The following PLXNA4 variants were observed in gnomAD, a reference collection of about 807,000 sequenced individuals.
PLXNA4 encodes plexin A4.
In PLXNA4, 44 loss-of-function variants were observed where a neutral mutation model predicts 191.8. That is an observed-to-expected ratio of 0.23 (90% confidence interval 0.18 to 0.29). PLXNA4 has a LOEUF of 0.29. Ranked by LOEUF, PLXNA4 falls within the 10% of genes least tolerant of loss-of-function variation. The pLI, the probability that PLXNA4 is intolerant of heterozygous loss-of-function variation, is 1.00. For synonymous variants in PLXNA4, 1,082 were observed against 1,009.5 expected (o/e 1.07, Z -1.36); for missense variants, 1,800 against 2,488.8 (o/e 0.72, Z 5.89).
chr7:132,215,204 G>C (rs1438868522), intron 9 of PLXNA4, among the ~76,000 whole-genome samples: 1 of 152,204 alleles, frequency 6.6e-6, no homozygotes, highest in Non-Finnish European at 1.5e-5. Context: ...GGACTGGCAG[G>C]GAGGTCCCAG....
Position 132,462,424 on chromosome 7 carries a change from T to C in PLXNA4, c.1371+26868A>G, listed in dbSNP as rs903988635. On this transcript the variant is annotated intron_variant, in intron 3 of 31. Transcript: ENST00000321063. ...AAACAAGGATTGTGCTATGAAATAT[T>C]AGGCTGCCACTAAAAACCATGTTTG... Among the ~76,000 whole-genome samples, 51 of 152,234 alleles carry C rather than the reference T, an allele frequency of 3.4e-4. 1 individual carries two copies. The highest frequency in any genetic ancestry group is 1.0e-4 in the Non-Finnish European group (7 of 68,014).
chr7:132,490,413 C>G (rs577784574), intron 2 of PLXNA4, among the ~76,000 whole-genome samples: 2 of 135,566 alleles, frequency 1.5e-5, no homozygotes, highest in African/African-American at 5.4e-5. Flanking sequence ...ATTCACTGAA[C>G]CTTTTCTTCC....
At chr7:132,242,517 C>A in intron 4 of PLXNA4, among the ~76,000 whole-genome samples, 1 of 152,118 alleles carries the variant, frequency 6.6e-6, no homozygotes, top group East Asian at 1.9e-4. Flanking sequence ...AATTCCAAAT[C>A]CCACATGATC....
At chr7:132,358,007 GACA>G (rs1010403197) in intron 3 of PLXNA4, among the ~76,000 whole-genome samples, 1 of 152,176 alleles carries the variant, frequency 6.6e-6, no homozygotes, top group African/African-American at 2.4e-5. Flanking sequence ...CAGGGGAAAG[GACA>G]ACAATATATT....
chr7:132,438,610 T>C (rs532589490), intron 3 of PLXNA4, among the ~76,000 whole-genome samples: 3 of 152,222 alleles, frequency 2.0e-5, no homozygotes, highest in Non-Finnish European at 4.4e-5. Context: ...CATAGTGTCA[T>C]TGTAAAGCAA....
chr7:132,589,695 C>T (rs925046345), intron 2 of PLXNA4, among the ~76,000 whole-genome samples: 5 of 152,292 alleles, frequency 3.3e-5, no homozygotes, highest in East Asian at 1.9e-4. Flanking sequence ...GATCAAAGCT[C>T]TTGTGCAACA....
chr7:132,359,971 G>T (rs557522105), intron 3 of PLXNA4, among the ~76,000 whole-genome samples: 1 of 152,142 alleles, frequency 6.6e-6, no homozygotes, highest in Admixed American at 6.5e-5. Context: ...ACAGTAATGG[G>T]CCTCAGTGTG....
chr7:132,366,513 G>C (rs1315478574), intron 3 of PLXNA4, among the ~76,000 whole-genome samples: 1 of 151,902 alleles, frequency 6.6e-6, no homozygotes, highest in Admixed American at 6.6e-5. Context: ...AACAGAGCAA[G>C]ATTCTGTCTC....
At chr7:132,549,583 T>C (rs1800465307) in intron 1 of PLXNA4, among the ~76,000 whole-genome samples, 1 of 152,072 alleles carries the variant, frequency 6.6e-6, no homozygotes, top group South Asian at 2.1e-4. Flanking sequence ...TAAAAGTGAG[T>C]GGACCCTAAA....
At chr7:132,237,777 G>A (rs1437913961) in intron 5 of PLXNA4, among the ~76,000 whole-genome samples, 2 of 152,180 alleles carry the variant, frequency 1.3e-5, no homozygotes, top group African/African-American at 4.8e-5. Flanking sequence ...TTGAAACAAG[G>A]ATGCCAAGTT....
intron 4 of PLXNA4, among the ~76,000 whole-genome samples, chr7:132,289,026 G>A (rs528460473): frequency 7.2e-5 from 11 of 152,256 alleles, no homozygotes; most frequent in Admixed American, 2.0e-4. Flanking sequence ...AGCCTCAAGC[G>A]ATGCTGCCTT....
intron 2 of PLXNA4, among the ~76,000 whole-genome samples, chr7:132,629,259 C>T (rs1475773711): frequency 2.6e-5 from 4 of 152,174 alleles, no homozygotes; most frequent in African/African-American, 9.7e-5. Context: ...TTAACTCAAC[C>T]TCACCATCAA....
At chr7:132,541,016 G>A (rs935323330) in intron 1 of PLXNA4, among the ~76,000 whole-genome samples, 7 of 152,352 alleles carry the variant, frequency 4.6e-5, no homozygotes, top group Non-Finnish European at 1.0e-4. Context: ...AATGCCAGGA[G>A]TGAATGTAAT....
chr7:132,347,209 C>A lies in PLXNA4; in HGVS notation c.1372-48987G>T, dbSNP rs964757279. Among the ~76,000 whole-genome samples the A allele has an allele frequency of 7.2e-5, 11 of 152,224 alleles. 1 individual carries two copies. The East Asian group carries it at 1.7e-3, about 24-fold the overall frequency. On this transcript the variant is annotated intron_variant, in intron 3 of 31. Transcript: ENST00000321063. Reference sequence around the variant, plus strand: ...CACTCTCAGCTGAATCCCTTCCCCCCAAAAAAGGAGACACAGAGGGCAAAG... The same window carrying A: ...CACTCTCAGCTGAATCCCTTCCCCCAAAAAAAGGAGACACAGAGGGCAAAG...
At chr7:132,625,707 C>G (rs989647569) in intron 2 of PLXNA4, among the ~76,000 whole-genome samples, 1 of 152,192 alleles carries the variant, frequency 6.6e-6, no homozygotes, top group African/African-American at 2.4e-5. Context: ...AATTTTCATA[C>G]TATCACTGCA....
intron 3 of PLXNA4, among the ~76,000 whole-genome samples, chr7:132,343,155 G>A (rs1054407092): frequency 1.3e-5 from 2 of 151,620 alleles, no homozygotes; most frequent in African/African-American, 4.8e-5. Flanking sequence ...GAAGAAGGAA[G>A]CTACTTTGAA....
At chr7:132,198,747 A>G in intron 12 of PLXNA4, 111 bp from the exon 13 acceptor site, 2 of 1,487,554 alleles carry the variant, frequency 1.3e-6, no homozygotes, top group African/African-American at 2.8e-5. Flanking sequence ...AGAGTCCCTG[A>G]GTGGCTTGAA....
chr7:132,477,344 C>T (rs1452342726), intron 3 of PLXNA4, among the ~76,000 whole-genome samples: 1 of 152,170 alleles, frequency 6.6e-6, no homozygotes, highest in South Asian at 2.1e-4. Context: ...AGTGGGCCAC[C>T]ACCAAGCAGT....
At chr7:132,227,783 G>GA (rs1798379844) in intron 6 of PLXNA4, among the ~76,000 whole-genome samples, 179 bp from the exon 7 acceptor site, 1 of 152,268 alleles carries the variant, frequency 6.6e-6, no homozygotes, top group Admixed American at 6.5e-5. Flanking sequence ...CAGAGGCCGT[G>GA]GTGAGATGCA....
Sources: allele counts gnomAD v4.1 joint callset (sites outside exome capture counted in the v4.1 genomes callset), GRCh38; gene constraint gnomAD v4.1.1; transcripts MANE v1.5; gene names NCBI Gene and HGNC (gene_info 2026-07-23, HGNC 2026-07-21).